Variants in RAE1 observed in about 807,000 individuals in gnomAD.
The protein encoded by RAE1 is ribonucleic acid export 1, also known as mRNA export factor RAE1.
A neutral mutation model predicts 52.7 loss-of-function variants in RAE1; 13 were observed. The ratio of observed to expected loss-of-function variants is 0.25; its 90% CI spans 0.16 to 0.39. RAE1 has a LOEUF of 0.39. Ranked by LOEUF, RAE1 falls within the 10% of genes least tolerant of loss-of-function variation. The pLI is 1.00. For synonymous variants in RAE1, 164 were observed against 153.1 expected, an observed-to-expected ratio of 1.07 and a Z score of -0.52; for missense variants, 262 against 459.8, an observed-to-expected ratio of 0.57 and a Z score of 3.93.
chr20:57,365,270 A>G, intron 4 of RAE1, 86 bp from the exon 5 acceptor site: 2 of 934,720 alleles, frequency 2.1e-6, no homozygotes, highest in Admixed American at 2.7e-5. Context: ...AGTTTGCCTC[A>G]ATATGTTCAA....
Position 57,373,851 on chromosome 20 carries a change from G to A in RAE1, c.825+113G>A, listed in dbSNP as rs913254399. Reference sequence around the variant, plus strand: ...ATCACTGAAGAGCTTGTGTGTTCATGTCCGGAGATAAGTGGCTTATGCTGT... The same window carrying A: ...ATCACTGAAGAGCTTGTGTGTTCATATCCGGAGATAAGTGGCTTATGCTGT... On this transcript the variant is annotated intron_variant, in intron 10 of 11. Transcript: ENST00000395841. The A allele has an allele frequency of 1.3e-5, 15 of 1,128,806 alleles. No individual in the cohort carries two copies. In the Middle Eastern group the frequency reaches 8.0e-4, roughly 60 times the overall value. 69.9% of individuals were successfully genotyped at this position (1,128,806 alleles called of 1,614,324 possible). A position where few individuals can be genotyped will look rare whatever the true frequency, so the allele number is the denominator to read the frequency against.
chr20:57,366,969 C>T (rs1208465890), intron 6 of RAE1, 39 bp from the exon 7 acceptor site: 13 of 1,586,848 alleles, frequency 8.2e-6, no homozygotes, highest in Non-Finnish European at 1.1e-5. Context: ...GACTTCTGCT[C>T]TGAATGGTCA....
At chr20:57,359,164 G>A (rs1258689639) in intron 4 of RAE1, 1 of 553,042 alleles carries the variant, frequency 1.8e-6, no homozygotes, top group African/African-American at 2.0e-5. Flanking sequence ...TAGAGGTGAT[G>A]TTTTTGGTAA....
rs6025506 is a variant in RAE1, at chr20:57,351,290, C to T, written c.-140C>T. On this transcript the variant is annotated 5_prime_UTR_variant, in exon 1 of 12. Transcript: ENST00000395841. ...TAGTCAGGGCAGTTTCTACCGCAGG[C>T]TTAAGGAGGCTTCGGGCTCCTGGGA... 4.4e-5 allele frequency: 43 copies of T among 985,324 alleles called. No individual in the cohort carries two copies. The highest frequency in any genetic ancestry group is 6.1e-5 in the Admixed American group (1 of 16,274). The allele number at this position is 985,324 out of a possible 1,614,324, so 61.0% of individuals were successfully genotyped here.
chr20:57,368,391 T>C (rs1248577206), intron 7 of RAE1, among the ~76,000 whole-genome samples: 1 of 152,198 alleles, frequency 6.6e-6, no homozygotes, highest in Non-Finnish European at 1.5e-5. Flanking sequence ...ATACCAAGTA[T>C]AACGCTGAGA....
chr20:57,359,292 T>C, intron 4 of RAE1: 1 of 290,046 alleles, frequency 3.4e-6, no homozygotes, highest in Non-Finnish European at 6.3e-6. Flanking sequence ...TTTATTAATA[T>C]TGGGATGTTA....
At chr20:57,368,467 C>T (rs987854511) in intron 7 of RAE1, among the ~76,000 whole-genome samples, 1 of 152,022 alleles carries the variant, frequency 6.6e-6, no homozygotes, top group Non-Finnish European at 1.5e-5. Context: ...ATTCTTAGTT[C>T]CTGAGTATAT....
intron 7 of RAE1, among the ~76,000 whole-genome samples, chr20:57,368,151 G>C (rs1049131203): frequency 6.6e-6 from 1 of 152,196 alleles, no homozygotes; most frequent in African/African-American, 2.4e-5. Context: ...CTCCCAAAGT[G>C]CTGGGATTAC....
chr20:57,361,088 GAGAAAGAA>G (rs111818954), intron 4 of RAE1, among the ~76,000 whole-genome samples: 3,007 of 151,450 alleles, frequency 0.02, 24 homozygotes, highest in Non-Finnish European at 0.024. Flanking sequence ...ATTAAAGTAT[GAGAAAGAA>G]AGAAAGAAAG....
intron 4 of RAE1, among the ~76,000 whole-genome samples, chr20:57,361,341 C>G (rs1487342232): frequency 6.6e-6 from 1 of 151,990 alleles, no homozygotes; most frequent in East Asian, 1.9e-4. Context: ...TAGGAGGAGC[C>G]TTAAGATTTT....
intron 7 of RAE1, among the ~76,000 whole-genome samples, chr20:57,368,051 G>T (rs1043256854): frequency 6.6e-6 from 1 of 152,146 alleles, no homozygotes; most frequent in African/African-American, 2.4e-5. Context: ...ACCAGGCCCA[G>T]CTAATTTTTA....
chr20:57,368,285 G>A (rs773604366), intron 7 of RAE1, among the ~76,000 whole-genome samples: 5 of 152,234 alleles, frequency 3.3e-5, no homozygotes, highest in Non-Finnish European at 5.9e-5. Context: ...TTGAGGGGAC[G>A]TTAGAAGCCA....
chr20:57,368,129 A>G (rs1425815210), intron 7 of RAE1, among the ~76,000 whole-genome samples: 2 of 152,052 alleles, frequency 1.3e-5, no homozygotes, highest in South Asian at 2.1e-4. Flanking sequence ...CTCATGATCC[A>G]CCTGCCTCGG....
chr20:57,359,126 C>A (rs1424914494), intron 4 of RAE1: 3 of 900,606 alleles, frequency 3.3e-6, no homozygotes, highest in Admixed American at 3.5e-5. Flanking sequence ...TGTCACTGGG[C>A]AGATAGTGCC....
chr20:57,364,509 G>A (rs2066928686), intron 4 of RAE1, among the ~76,000 whole-genome samples: 1 of 152,194 alleles, frequency 6.6e-6, no homozygotes, highest in Non-Finnish European at 1.5e-5. Context: ...CACTTCAATG[G>A]AACAAGTTTT....
chr20:57,356,398 A>G (rs748719295), intron 3 of RAE1, 48 bp from the exon 4 acceptor site: 5 of 1,475,732 alleles, frequency 3.4e-6, no homozygotes, highest in Admixed American at 3.7e-5. Context: ...AAATGCAAGC[A>G]ATACATCGTA....
intron 4 of RAE1, among the ~76,000 whole-genome samples, chr20:57,361,606 C>T (rs1399490129): frequency 6.6e-6 from 1 of 152,104 alleles, no homozygotes; most frequent in Non-Finnish European, 1.5e-5. Flanking sequence ...TGAATTAACA[C>T]CTTATGGTTG....
rs754195898 is a variant in RAE1 at position 57,354,701 on chromosome 20, T to G, written c.91-11T>G. On this transcript the variant is annotated splice_polypyrimidine_tract_variant and intron_variant, in intron 2 of 11. Coordinates refer to ENST00000395841, the MANE Select transcript of RAE1 (RefSeq NM_003610.4). ...CGTGCATACATTTTAACATTGACTTTTTTCCCGCAGGATATTGAAGTAACA... is the reference window on the plus strand; with the variant it reads ...CGTGCATACATTTTAACATTGACTTGTTTCCCGCAGGATATTGAAGTAACA... The G allele has an allele frequency of 3.2e-6, 5 of 1,553,596 alleles. 1 individual carries two copies. In the South Asian group the frequency reaches 3.7e-5, roughly 11 times the overall value.
chr20:57,372,942 A>G (rs2146174396), intron 8 of RAE1: 1 of 154,506 alleles, frequency 6.5e-6, no homozygotes, highest in East Asian at 1.9e-4. Context: ...TCTGTAGAAT[A>G]GAGACCTGCC....
Sources: allele counts gnomAD v4.1 joint callset (sites outside exome capture counted in the v4.1 genomes callset), GRCh38; gene constraint gnomAD v4.1.1; transcripts MANE v1.5; gene names NCBI Gene and HGNC (gene_info 2026-07-23, HGNC 2026-07-21).